NEK10: variants seen among roughly 807,000 people sequenced by gnomAD.
NEK10 encodes the protein serine/threonine-protein kinase Nek10.
A neutral mutation model predicts 159.8 loss-of-function variants in NEK10; 122 were observed. That is an observed-to-expected ratio of 0.76 (90% CI 0.66 to 0.89). The LOEUF is 0.89. Ranked by LOEUF, NEK10 falls within the 40% of genes least tolerant of loss-of-function variation. The pLI, the probability that NEK10 is intolerant of heterozygous loss-of-function variation, is 0.00. For missense variants in NEK10, 1,342 were observed against 1,323.1 expected, an observed-to-expected ratio of 1.01 and a Z score of -0.22; for synonymous variants, 466 against 457.1, an observed-to-expected ratio of 1.02 and a Z score of -0.25.
At chr3:27,133,009 GT>G (rs1942793142) in intron 31 of NEK10, among the ~76,000 whole-genome samples, 1 of 152,122 alleles carries the variant, frequency 6.6e-6, no homozygotes, top group South Asian at 2.1e-4. Context: ...GGCTTAGTTA[GT>G]ACCATGTGAC....
rs990412429 is a variant in NEK10, at chr3:27,109,782, G to A, written c.*1490C>T. Among the ~76,000 whole-genome samples the A allele has an allele frequency of 2.0e-5, 3 of 152,158 alleles. No individual in the cohort carries two copies. Among genetic ancestry groups the A allele is most frequent in the Non-Finnish European group, 4.4e-5 (3 of 68,028 alleles). ...TTTCACATATGGATAGAATTAGTTT[G>A]AAAGCTGAAACTGAAATTTTCATTA... On this transcript the variant is annotated 3_prime_UTR_variant, in exon 36 of 36. Transcript: ENST00000691995.
intron 32 of NEK10, among the ~76,000 whole-genome samples, chr3:27,122,899 C>T (rs1333174696): frequency 9.2e-5 from 14 of 152,070 alleles, no homozygotes. Context: ...ATTTCCAGTG[C>T]TTATGTCACA....
chr3:27,247,578 CA>C, intron 23 of NEK10, among the ~76,000 whole-genome samples: 1 of 151,996 alleles, frequency 6.6e-6, no homozygotes, highest in South Asian at 2.1e-4. Flanking sequence ...CTCTGTCACC[CA>C]AACTGCAGTG....
chr3:27,246,569 C>G (rs896023401), intron 23 of NEK10, among the ~76,000 whole-genome samples: 2 of 152,094 alleles, frequency 1.3e-5, no homozygotes. Flanking sequence ...TATACTCTTT[C>G]AGTTATTGTA....
chr3:27,153,789 C>G (rs1048199812), intron 30 of NEK10, among the ~76,000 whole-genome samples: 16 of 152,142 alleles, frequency 1.1e-4, no homozygotes, highest in African/African-American at 3.6e-4. Context: ...ATCAAAAGGT[C>G]TGGGATACAG....
chr3:27,313,689 T>C (rs1197315818), intron 7 of NEK10, among the ~76,000 whole-genome samples: 1 of 152,158 alleles, frequency 6.6e-6, no homozygotes, highest in Non-Finnish European at 1.5e-5. Context: ...TATACAATGC[T>C]AAGGGCTTCA....
chr3:27,202,520 C>T lies in NEK10; in HGVS notation c.2128G>A (p.Ala710Thr), dbSNP rs772570784. 6.2e-7 allele frequency: 1 copy of T among 1,612,678 alleles called. No individual in the cohort carries two copies. The highest frequency in any genetic ancestry group is 8.5e-7 in the Non-Finnish European group (1 of 1,179,220). ...VLKSEPYGEK[A>T]DVWAVGCILY... The stretch of plus-strand genomic sequence containing the variant: ...ATGCAGCCTACTGCCCAGACATCAG[C>T]CTTCTCCCCATACGGCTCACTCTTC... Residue 710 changes from alanine to threonine, a missense_variant, in exon 24 of 36, where the codon GCT (alanine) becomes ACT (threonine). Coordinates refer to ENST00000691995, the MANE Select transcript of NEK10 (RefSeq NM_001394966.1).
chr3:27,203,100 A>G (rs1204521840), intron 23 of NEK10, among the ~76,000 whole-genome samples: 2 of 152,166 alleles, frequency 1.3e-5, no homozygotes, highest in Non-Finnish European at 2.9e-5. Context: ...TGTAACAGGT[A>G]GCTTCCACCC....
At chr3:27,226,687 A>G (rs1359191663) in intron 23 of NEK10, among the ~76,000 whole-genome samples, 1 of 152,204 alleles carries the variant, frequency 6.6e-6, no homozygotes, top group Non-Finnish European at 1.5e-5. Flanking sequence ...TTAAAAGAAA[A>G]CATTCCCTGG....
intron 7 of NEK10, among the ~76,000 whole-genome samples, chr3:27,313,711 A>G (rs952256569): frequency 7.9e-5 from 12 of 152,058 alleles, no homozygotes; most frequent in African/African-American, 2.7e-4. Flanking sequence ...CCTTCCAGCC[A>G]TCGCCCCTTT....
chr3:27,305,934 C>A (rs529435954), intron 11 of NEK10, among the ~76,000 whole-genome samples: 1 of 152,270 alleles, frequency 6.6e-6, no homozygotes, highest in East Asian at 1.9e-4. Context: ...CTCTTTCAAC[C>A]CTGTCATCAT....
At chr3:27,127,221 A>G (rs574283067) in intron 32 of NEK10, among the ~76,000 whole-genome samples, 1 of 152,244 alleles carries the variant, frequency 6.6e-6, no homozygotes, top group East Asian at 1.9e-4. Context: ...AACATATCAT[A>G]CTATCCGTAA....
chr3:27,179,004 G>C (rs1947799022), intron 26 of NEK10, among the ~76,000 whole-genome samples: 2 of 152,176 alleles, frequency 1.3e-5, no homozygotes. Context: ...CCGGGTTTAA[G>C]GGATCATCCT....
intron 26 of NEK10, among the ~76,000 whole-genome samples, chr3:27,189,197 G>C (rs1948896010): frequency 6.6e-6 from 1 of 152,064 alleles, no homozygotes; most frequent in Non-Finnish European, 1.5e-5. Context: ...ACAGTACATA[G>C]AGTGAACTTT....
chr3:27,293,375 C>G (rs560579000), intron 16 of NEK10, among the ~76,000 whole-genome samples: 1 of 152,206 alleles, frequency 6.6e-6, no homozygotes, highest in Non-Finnish European at 1.5e-5. Flanking sequence ...AATTTATGCT[C>G]TTTCATCATC....
chr3:27,293,782 A>C lies in NEK10; in HGVS notation c.1309-130T>G, dbSNP rs1180367012. 105 of 552,790 alleles carry C rather than the reference A, an allele frequency of 1.9e-4. 1 individual carries two copies. The East Asian group carries it at 3.0e-3, about 16-fold the overall frequency. The allele number at this position is 552,790 out of a possible 1,614,324, so 34.2% of individuals were successfully genotyped here. ...AGTGGCTGGTCCAAGTTGGAGCCAA[A>C]GCTTCTAACTGAAAACAAAAAACAC... On this transcript the variant is annotated intron_variant, in intron 15 of 35. Transcript: ENST00000691995.
Position 27,131,990 on chromosome 3 carries a change from G to C in NEK10, c.2971C>G (p.Leu991Val). The C allele has an allele frequency of 6.4e-7, 1 of 1,557,724 alleles. No individual in the cohort carries two copies. Among genetic ancestry groups the C allele is most frequent in the Non-Finnish European group, 8.8e-7 (1 of 1,131,348 alleles). ...AAATTGTGGTGCAAAGCTGGAGGAA[G>C]CTGCATAAAATAAGAAAACAATCAT... ...QLHKIIYITQ[L>V]PPALHHNLKR... The change falls in exon 32 of 36, where the codon CTT becomes GTT. Residue 991 changes from leucine (L) to valine (V), a missense_variant and splice_region_variant. Physicochemically the swap from Leu to Val is conservative, Grantham distance 32 (BLOSUM62 1). Transcript: ENST00000691995.
At chr3:27,141,676 A>C in intron 30 of NEK10, 94 bp from the exon 31 acceptor site, 1 of 874,810 alleles carries the variant, frequency 1.1e-6, no homozygotes, top group Non-Finnish European at 1.9e-6. Context: ...ATTTTAAAGC[A>C]AAGACTTCAC....
intron 22 of NEK10, among the ~76,000 whole-genome samples, chr3:27,260,560 G>T (rs992022745): frequency 2.6e-5 from 4 of 152,294 alleles, no homozygotes; most frequent in African/African-American, 9.6e-5. Context: ...TTGCATCCCA[G>T]GGATGAAGCC....
Sources: allele counts gnomAD v4.1 joint callset (sites outside exome capture counted in the v4.1 genomes callset), GRCh38; gene constraint gnomAD v4.1.1; transcripts MANE v1.5; gene names NCBI Gene and HGNC (gene_info 2026-07-23, HGNC 2026-07-21).